The following EPB41 variants were observed in gnomAD, a reference collection of about 807,000 sequenced individuals.
EPB41 encodes erythrocyte membrane protein band 4.1, also known as protein 4.1.
Under a neutral mutation model 108.0 loss-of-function variants are expected in EPB41, and 65 were observed. The observed-to-expected ratio is 0.60, with a 90% CI of 0.49 to 0.74. EPB41 has a LOEUF of 0.74. Ranked by LOEUF, EPB41 falls within the 30% of genes least tolerant of loss-of-function variation. The probability of loss-of-function intolerance (pLI) is 0.00; values close to 1 mark genes in which losing one functional copy is unlikely to be tolerated. For missense variants in EPB41, 875 were observed against 1,037.0 expected (o/e 0.84, Z 2.15); for synonymous variants, 336 against 358.9 (o/e 0.94, Z 0.72).
At chr1:28,929,794 A>G (rs1224817537) in intron 1 of EPB41, among the ~76,000 whole-genome samples, 1 of 149,186 alleles carries the variant, frequency 6.7e-6, no homozygotes, top group Non-Finnish European at 1.5e-5. Flanking sequence ...TTGGCCTCCC[A>G]AAGTGCTGGG....
chr1:28,887,594 C>A lies in EPB41; in HGVS notation c.-8+384C>A, dbSNP rs2147777567. 1 of 985,266 alleles carries A rather than the reference C, an allele frequency of 1.0e-6. No individual in the cohort carries two copies. Among genetic ancestry groups the A allele is most frequent in the South Asian group, 4.7e-5 (1 of 21,282 alleles). 61.0% of individuals were successfully genotyped at this position (985,266 alleles called of 1,614,324 possible). On this transcript the variant is annotated intron_variant, in intron 1 of 16. Coordinates refer to the EPB41 transcript ENST00000347529. This position sits in a 1 kb window ranked among gnomAD's most constrained non-coding sequence, Gnocchi z 4.9. ...GCCCCCTAGCCCCGCCTTGCCCGGCCCCGCATGCTCCTGCCGGGCCCGCAG... is the reference window on the plus strand; with the variant it reads ...GCCCCCTAGCCCCGCCTTGCCCGGCACCGCATGCTCCTGCCGGGCCCGCAG...
intron 1 of EPB41, among the ~76,000 whole-genome samples, chr1:28,940,768 CAAA>C (rs1036656239): frequency 6.6e-6 from 1 of 152,094 alleles, no homozygotes; most frequent in African/African-American, 2.4e-5. Flanking sequence ...AGTAGGGAAA[CAAA>C]AACATCCAGA....
intron 1 of EPB41, chr1:28,982,628 G>A: frequency 5.6e-6 from 6 of 1,081,058 alleles, no homozygotes; most frequent in South Asian, 1.2e-5. Context: ...GCAACCACTC[G>A]GGCCTACAGC....
At chr1:28,897,615 G>T (rs1191624459) in intron 1 of EPB41, among the ~76,000 whole-genome samples, 1 of 19,228 alleles carries the variant, frequency 5.2e-5, no homozygotes, top group Non-Finnish European at 9.1e-5. Flanking sequence ...GAGGGGAGGG[G>T]AGAGGAGGGG....
intron 4 of EPB41, among the ~76,000 whole-genome samples, chr1:28,999,782 T>C (rs939000741): frequency 7.2e-5 from 11 of 152,120 alleles, no homozygotes; most frequent in Non-Finnish European, 5.9e-5. Context: ...TTCTTTATAG[T>C]GGTTTTCACT....
chr1:28,942,525 T>C (rs1349338043), intron 1 of EPB41, among the ~76,000 whole-genome samples: 1 of 152,238 alleles, frequency 6.6e-6, no homozygotes, highest in Non-Finnish European at 1.5e-5. Flanking sequence ...AAGAAATGCA[T>C]AGGGCAAGGT....
At chr1:28,910,919 G>T (rs953673832), upstream of EPB41, 3 of 951,912 alleles carry the variant, frequency 3.2e-6, no homozygotes, top group African/African-American at 5.3e-5. Context: ...CCCATCCTGG[G>T]GCTTGGGGCA....
At chr1:29,009,240 A>G (rs977114455) in intron 4 of EPB41, among the ~76,000 whole-genome samples, 2 of 152,100 alleles carry the variant, frequency 1.3e-5, no homozygotes, top group African/African-American at 2.4e-5. Flanking sequence ...AACAATTTAA[A>G]TTGAGCATAA....
At chr1:29,105,433 T>A (rs886126139) in intron 17 of EPB41, among the ~76,000 whole-genome samples, 3 of 152,066 alleles carry the variant, frequency 2.0e-5, no homozygotes, top group Non-Finnish European at 2.9e-5. Flanking sequence ...AGACGGGGTT[T>A]CACCATGTTG....
At chr1:28,996,786 A>G (rs761658392) in intron 3 of EPB41, among the ~76,000 whole-genome samples, 4 of 152,200 alleles carry the variant, frequency 2.6e-5, no homozygotes, top group Non-Finnish European at 5.9e-5. Context: ...CCAAAGATGA[A>G]AGAAGAAATC....
intron 18 of EPB41, 50 bp from the exon 19 acceptor site, chr1:29,112,318 A>G: frequency 4.1e-6 from 6 of 1,476,496 alleles, no homozygotes; most frequent in Non-Finnish European, 5.7e-6. Context: ...CTTTTTTTTT[A>G]ATTCTTGTTA....
chr1:28,992,726 C>G (rs925604086), intron 2 of EPB41, among the ~76,000 whole-genome samples: 1 of 152,192 alleles, frequency 6.6e-6, no homozygotes, highest in East Asian at 1.9e-4. Context: ...TCCTACTTAT[C>G]GGTATTATTT....
chr1:29,058,466 A>G lies in EPB41; in HGVS notation c.1846-123A>G, dbSNP rs966025950. On this transcript the variant is annotated intron_variant, in intron 12 of 20. Coordinates refer to ENST00000343067, the MANE Select transcript of EPB41 (RefSeq NM_001376013.1). ...GTAACACCCTCCATAAGACTGCATC[A>G]TGATGATTACGTATCAGCGTATTTC... 4 of 858,968 alleles carry G rather than the reference A, an allele frequency of 4.7e-6. No individual in the cohort carries two copies. In the African/African-American group the frequency reaches 6.7e-5, roughly 14 times the overall value. 53.2% of individuals were successfully genotyped at this position (858,968 alleles called of 1,614,324 possible).
At chr1:28,944,563 G>A (rs529601242) in intron 1 of EPB41, among the ~76,000 whole-genome samples, 2 of 93,742 alleles carry the variant, frequency 2.1e-5, no homozygotes, top group East Asian at 6.0e-4. Flanking sequence ...TTTTTGAGAT[G>A]TCTTGCTCTG....
chr1:28,997,123 G>A (rs531441869), intron 3 of EPB41, 92 bp from the exon 4 acceptor site: 1 of 952,336 alleles, frequency 1.1e-6, no homozygotes, highest in East Asian at 2.5e-5. Context: ...CTGTACTCCA[G>A]CCTGGGCAAC....
intron 16 of EPB41, among the ~76,000 whole-genome samples, chr1:29,086,319 G>C (rs1658907519): frequency 6.7e-6 from 1 of 149,720 alleles, no homozygotes; most frequent in Non-Finnish European, 1.5e-5. Flanking sequence ...GTGTCACCAG[G>C]CTAGAGTGCA....
chr1:28,987,763 G>T lies in EPB41; in HGVS notation c.326G>T (p.Gly109Val). 10 of 1,614,208 alleles carry T rather than the reference G, an allele frequency of 6.2e-6. No individual in the cohort carries two copies. Among genetic ancestry groups the T allele is most frequent in the Non-Finnish European group, 7.6e-6 (9 of 1,180,046 alleles). Reference protein sequence around the residue: ...GKEVESDKEKGEGGQKEIEFG... With the variant: ...GKEVESDKEKVEGGQKEIEFG... ...GAAGTAGAGTCAGATAAAGAAAAAGGTGAAGGAGGTCAGAAAGAGATAGAA... is the reference window on the plus strand; with the variant it reads ...GAAGTAGAGTCAGATAAAGAAAAAGTTGAAGGAGGTCAGAAAGAGATAGAA... Residue 109 changes from glycine to valine, a missense_variant, in exon 2 of 21, where the codon GGT (glycine) becomes GTT (valine). Gly to Val is a moderately radical substitution (Grantham distance 109). This residue lies in a region of EPB41 where 353 missense variants were observed against 393.2 expected (regional missense o/e 0.90). Transcript: ENST00000343067.
At chr1:29,094,175 T>G (rs1249986698) in intron 16 of EPB41, among the ~76,000 whole-genome samples, 1 of 152,218 alleles carries the variant, frequency 6.6e-6, no homozygotes. Context: ...TGTAGGTGTG[T>G]GGCCTTATTT....
chr1:29,007,776 T>C (rs1308104088), intron 4 of EPB41, among the ~76,000 whole-genome samples: 1 of 152,190 alleles, frequency 6.6e-6, no homozygotes, highest in Non-Finnish European at 1.5e-5. Flanking sequence ...TTCTCAGCTC[T>C]TTGTTCTCTC....
Sources: gnomAD v4.1 joint callset for allele counts (sites outside exome capture counted in the v4.1 genomes callset) on GRCh38, gnomAD v4.1.1 for gene constraint, gnomAD v4.1.1 regional missense constraint, Gnocchi (gnomAD v3.1) non-coding constraint, MANE v1.5 for transcripts, NCBI Gene and HGNC (gene_info 2026-07-23, HGNC 2026-07-21) for gene names.